The following SGCD variants were observed in gnomAD, a reference collection of about 807,000 sequenced individuals.
The protein encoded by SGCD is delta-sarcoglycan.
A neutral mutation model predicts 36.6 loss-of-function variants in SGCD; 18 were observed. The observed-to-expected ratio is 0.49, with a 90% confidence interval of 0.34 to 0.73. The LOEUF is 0.73. Among genes scored for constraint, SGCD ranks in the 30% least tolerant of loss-of-function variants. The pLI is 0.01. For synonymous variants in SGCD, 133 were observed against 130.6 expected, an observed-to-expected ratio of 1.02 and a Z score of -0.12; for missense variants, 387 against 346.7, an observed-to-expected ratio of 1.12 and a Z score of -0.92.
intron 3 of SGCD, among the ~76,000 whole-genome samples, chr5:156,403,351 C>A (rs1310258163): frequency 6.6e-6 from 1 of 152,166 alleles, no homozygotes; most frequent in Non-Finnish European, 1.5e-5. Flanking sequence ...TTTTAGAGAA[C>A]TCGCGGTCTA....
At chr5:156,572,224 T>C (rs1474008293) in intron 4 of SGCD, among the ~76,000 whole-genome samples, 1 of 152,218 alleles carries the variant, frequency 6.6e-6, no homozygotes, top group Admixed American at 6.5e-5. Flanking sequence ...TACAAGTTTT[T>C]GTTTGAATAT....
chr5:156,165,895 G>C (rs1393554817), intron 3 of SGCD, among the ~76,000 whole-genome samples: 1 of 152,226 alleles, frequency 6.6e-6, no homozygotes, highest in East Asian at 1.9e-4. Context: ...TTGTAGACTA[G>C]TGTGTCTTGC....
intron 3 of SGCD, among the ~76,000 whole-genome samples, chr5:156,378,086 G>T (rs1255354486): frequency 6.6e-6 from 1 of 152,128 alleles, no homozygotes; most frequent in Non-Finnish European, 1.5e-5. Flanking sequence ...TAGACAGAAG[G>T]TAGAGCAACC....
At chr5:156,463,838 C>A (rs1313548651) in intron 3 of SGCD, among the ~76,000 whole-genome samples, 2 of 151,794 alleles carry the variant, frequency 1.3e-5, no homozygotes, top group Non-Finnish European at 2.9e-5. Flanking sequence ...CTCAAAAAAT[C>A]AAAAAAATGA....
At chr5:156,528,652 G>A (rs1406829050) in intron 4 of SGCD, among the ~76,000 whole-genome samples, 1 of 152,186 alleles carries the variant, frequency 6.6e-6, no homozygotes, top group Non-Finnish European at 1.5e-5. Context: ...CCATGAGGGA[G>A]TAAGAATAGA....
chr5:155,975,247 G>T (rs1758085907), intron 1 of SGCD, among the ~76,000 whole-genome samples: 1 of 152,114 alleles, frequency 6.6e-6, no homozygotes, highest in Non-Finnish European at 1.5e-5. Flanking sequence ...TTTATTGAAG[G>T]CCTATTGGGG....
At chr5:156,313,237 A>T (rs1320975873) in intron 3 of SGCD, among the ~76,000 whole-genome samples, 2 of 152,122 alleles carry the variant, frequency 1.3e-5, no homozygotes, top group African/African-American at 4.8e-5. Flanking sequence ...GTAAAAAAAA[A>T]GCCTGTATCT....
chr5:156,047,320 CAACAGA>C (rs1759792680), intron 1 of SGCD, among the ~76,000 whole-genome samples: 1 of 152,158 alleles, frequency 6.6e-6, no homozygotes, highest in African/African-American at 2.4e-5. Context: ...CTATACCCAA[CAACAGA>C]TTCTCAATGT....
intron 1 of SGCD, among the ~76,000 whole-genome samples, chr5:156,016,017 C>T (rs1188801637): frequency 6.6e-6 from 1 of 151,756 alleles, no homozygotes; most frequent in African/African-American, 2.4e-5. Context: ...ATAACCTGAC[C>T]TTTAAAACAA....
chr5:156,020,698 C>T (rs1370963805), intron 1 of SGCD, among the ~76,000 whole-genome samples: 1 of 152,176 alleles, frequency 6.6e-6, no homozygotes, highest in African/African-American at 2.4e-5. Context: ...CTGTGAGCTT[C>T]TTGAAGGTAG....
chr5:155,821,123 C>G, the SGCD span, among the ~76,000 whole-genome samples: 2 of 152,130 alleles, frequency 1.3e-5, no homozygotes, highest in African/African-American at 2.4e-5. Context: ...TAGAACAACT[C>G]TAATTACCCA....
In SGCD at chr5:156,331,265, A is replaced by C. The variant is rs192056129; in HGVS notation, c.3+1686A>C. ...CAGAAAGGTCTTCATTATTGTTTCAAATTCCTATTGCAGAGTGTGAACTGC... is the reference window on the plus strand; with the variant it reads ...CAGAAAGGTCTTCATTATTGTTTCACATTCCTATTGCAGAGTGTGAACTGC... On this transcript the variant is annotated intron_variant, in intron 2 of 8. Coordinates refer to ENST00000337851, the MANE Select transcript of SGCD (RefSeq NM_000337.6). Among the ~76,000 whole-genome samples, 6 of 152,286 alleles carry C rather than the reference A, an allele frequency of 3.9e-5. No individual in the cohort carries two copies. The East Asian group carries it at 1.2e-3, about 29-fold the overall frequency.
At chr5:155,786,107 G>A in the SGCD span, among the ~76,000 whole-genome samples, 2 of 152,154 alleles carry the variant, frequency 1.3e-5, no homozygotes, top group African/African-American at 4.8e-5. Flanking sequence ...AGTGTGAATA[G>A]TGTTGCTTTT....
At chr5:155,746,545 T>C in the SGCD span, among the ~76,000 whole-genome samples, 1 of 152,146 alleles carries the variant, frequency 6.6e-6, no homozygotes, top group Non-Finnish European at 1.5e-5. Context: ...GAGAGTTCTG[T>C]GTTGTGGGTT....
At chr5:156,211,022 C>T (rs1473219650) in intron 3 of SGCD, among the ~76,000 whole-genome samples, 1 of 151,834 alleles carries the variant, frequency 6.6e-6, no homozygotes, top group Non-Finnish European at 1.5e-5. Flanking sequence ...GTTAAATAAT[C>T]AAAGACAAAG....
upstream of SGCD, among the ~76,000 whole-genome samples, chr5:156,326,018 A>G (rs1051601957): frequency 6.6e-6 from 1 of 152,232 alleles, no homozygotes; most frequent in East Asian, 1.9e-4. Context: ...TAAGTTGCCA[A>G]TGGGGTGTGA....
At chr5:156,699,183 T>C (rs1031340693) in intron 7 of SGCD, among the ~76,000 whole-genome samples, 1 of 152,206 alleles carries the variant, frequency 6.6e-6, no homozygotes, top group African/African-American at 2.4e-5. Context: ...GAGAAATTGC[T>C]TGATGGCTGT....
At chr5:156,737,581 C>A (rs1313486319) in intron 7 of SGCD, among the ~76,000 whole-genome samples, 2 of 152,086 alleles carry the variant, frequency 1.3e-5, no homozygotes, top group African/African-American at 2.4e-5. Context: ...CTACTTTGCT[C>A]CCCACAGAGA....
At chr5:155,851,681 C>T in the SGCD span, among the ~76,000 whole-genome samples, 89 of 152,294 alleles carry the variant, frequency 5.8e-4, no homozygotes, top group African/African-American at 2.1e-3. Flanking sequence ...AGGCCCTTCT[C>T]CACTTTTTCC....
Sources: gnomAD v4.1 joint callset for allele counts (sites outside exome capture counted in the v4.1 genomes callset) on GRCh38, gnomAD v4.1.1 for gene constraint, MANE v1.5 for transcripts, NCBI Gene and HGNC (gene_info 2026-07-23, HGNC 2026-07-21) for gene names.